TEX10: variants seen among roughly 807,000 people sequenced by gnomAD.
TEX10 encodes the protein testis expressed 10, also known as testis-expressed protein 10.
Under a neutral mutation model 104.4 loss-of-function variants are expected in TEX10, and 24 were observed. That is an observed-to-expected ratio of 0.23 (90% CI 0.17 to 0.32). The LOEUF is 0.32. Ranked by LOEUF, TEX10 falls within the 10% of genes least tolerant of loss-of-function variation. The pLI is 1.00. For missense variants in TEX10, 921 were observed against 1,083.9 expected (o/e 0.85, Z 2.11); for synonymous variants, 396 against 393.4 (o/e 1.01, Z -0.08).
chr9:100,334,945 G>A (rs1039177847), intron 5 of TEX10, among the ~76,000 whole-genome samples: 6 of 152,138 alleles, frequency 3.9e-5, no homozygotes, highest in Non-Finnish European at 8.8e-5. Context: ...GATTACAGGC[G>A]TGAGCCACCG....
At chr9:100,339,276 TATATATATATATATAC>T (rs1208363735) in intron 5 of TEX10, among the ~76,000 whole-genome samples, 37 of 72,972 alleles carry the variant, frequency 5.1e-4, no homozygotes, top group South Asian at 1.1e-3. Context: ...AAAAAAAAAG[TATATATATATATATAC>T]ATATATATAT....
intron 12 of TEX10, among the ~76,000 whole-genome samples, chr9:100,309,723 A>G: frequency 6.6e-6 from 1 of 152,262 alleles, no homozygotes; most frequent in East Asian, 1.9e-4. Context: ...CCTGCTTTGT[A>G]CTATAACACA....
chr9:100,315,943 T>A (rs1411444653), intron 11 of TEX10, among the ~76,000 whole-genome samples: 1 of 152,244 alleles, frequency 6.6e-6, no homozygotes, highest in East Asian at 1.9e-4. Context: ...GACGTCTAAA[T>A]CTCCTGGTAG....
chr9:100,332,907 G>T (rs1387930236), intron 5 of TEX10, among the ~76,000 whole-genome samples: 1 of 152,044 alleles, frequency 6.6e-6, no homozygotes, highest in Non-Finnish European at 1.5e-5. Context: ...CAGTTCCAAA[G>T]AAAAAAGCTG....
At chr9:100,302,896 C>A (rs1564199500) in intron 14 of TEX10, among the ~76,000 whole-genome samples, 1 of 151,716 alleles carries the variant, frequency 6.6e-6, no homozygotes, top group East Asian at 1.9e-4. Flanking sequence ...GGATAATCTG[C>A]CAATCAAACT....
chr9:100,327,941 G>A lies in TEX10; in HGVS notation c.1647C>T (p.Ser549=). 2 of 1,584,884 alleles carry A rather than the reference G, an allele frequency of 1.3e-6. No homozygotes were observed. Among genetic ancestry groups the A allele is most frequent in the Non-Finnish European group, 1.7e-6 (2 of 1,161,218 alleles). ...CRFRYRSKVL[S]RWLAGLPLQL... ...GCAATGGTAAGCCAGCCAGCCAACG[G>A]GATAACACTTTACTACGATATCTTA... is the stretch of plus-strand genomic sequence containing the variant. The change falls in exon 8 of 15, where the codon TCC becomes TCT. Residue 549 remains serine, a synonymous_variant. Transcript: ENST00000374902.
At chr9:100,345,868 AATAT>A (rs66971967) in intron 4 of TEX10, among the ~76,000 whole-genome samples, 200 bp downstream of exon 4, 13 of 150,020 alleles carry the variant, frequency 8.7e-5, no homozygotes, top group African/African-American at 7.3e-5. Context: ...ATTTCACTTA[AATAT>A]ATATATATAT....
intron 11 of TEX10, among the ~76,000 whole-genome samples, chr9:100,313,584 C>T (rs543870483): frequency 2.0e-5 from 3 of 151,222 alleles, no homozygotes; most frequent in African/African-American, 7.3e-5. Flanking sequence ...CACAGTGGGT[C>T]ACACCTGTAA....
intron 11 of TEX10, among the ~76,000 whole-genome samples, chr9:100,316,873 G>A (rs1190087641): frequency 4.5e-5 from 5 of 112,286 alleles, no homozygotes; most frequent in African/African-American, 1.1e-4. Context: ...AAATCAAGAA[G>A]GCAATCCCAC....
intron 8 of TEX10, among the ~76,000 whole-genome samples, chr9:100,327,459 CTA>C (rs1419783333): frequency 6.6e-6 from 1 of 150,970 alleles, no homozygotes; most frequent in Non-Finnish European, 1.5e-5. Flanking sequence ...GAGATATTCA[CTA>C]TGATTAAATA....
intron 13 of TEX10, 52 bp from the exon 14 acceptor site, chr9:100,303,894 GC>G (rs1187818990): frequency 1.3e-6 from 2 of 1,565,344 alleles, no homozygotes; most frequent in Non-Finnish European, 8.8e-7. Flanking sequence ...CACAGGAAAA[GC>G]CCCCCTTCTA....
At chr9:100,346,651 C>T in intron 3 of TEX10, 43 bp downstream of exon 3, 5 of 1,546,072 alleles carry the variant, frequency 3.2e-6, no homozygotes, top group Non-Finnish European at 3.5e-6. Context: ...AGTTATAATT[C>T]AATACAGCAA....
chr9:100,314,813 G>A (rs1834374773), intron 11 of TEX10, among the ~76,000 whole-genome samples: 1 of 152,114 alleles, frequency 6.6e-6, no homozygotes, highest in African/African-American at 2.4e-5. Context: ...TTAGGTTGCT[G>A]ATTAGTTATC....
intron 5 of TEX10, among the ~76,000 whole-genome samples, chr9:100,337,455 G>A (rs533004434): frequency 5.9e-5 from 9 of 152,208 alleles, no homozygotes; most frequent in South Asian, 2.1e-4. Flanking sequence ...TCAATACTTT[G>A]AGAGTTCATG....
rs938452643 is a variant in TEX10 at position 100,352,905 on chromosome 9, C to G, written c.-143G>C. On this transcript the variant is annotated 5_prime_UTR_variant, in exon 1 of 15. Coordinates refer to ENST00000374902, the MANE Select transcript of TEX10 (RefSeq NM_017746.4). The stretch of plus-strand genomic sequence containing the variant: ...GCGTGTTTTCAAATAGCCTCGTCCT[C>G]ACGCGGCCGCGTCTCCTTCCGCCGC... The G allele has an allele frequency of 2.0e-6, 2 of 990,944 alleles. No individual in the cohort carries two copies. Among genetic ancestry groups the G allele is most frequent in the Admixed American group, 6.1e-5 (1 of 16,304 alleles). 61.4% of individuals were successfully genotyped at this position (990,944 alleles called of 1,614,324 possible). A position where few individuals can be genotyped will look rare whatever the true frequency, so the allele number is the denominator to read the frequency against.
chr9:100,306,973 T>A (rs1405552807), intron 13 of TEX10: 1 of 152,194 alleles, frequency 6.6e-6, no homozygotes, highest in Non-Finnish European at 1.5e-5. Context: ...TAAGTGGGGA[T>A]CTTATAAAAT....
At chr9:100,351,640 A>T (rs1835453046) in intron 1 of TEX10, among the ~76,000 whole-genome samples, 1 of 152,140 alleles carries the variant, frequency 6.6e-6, no homozygotes, top group Non-Finnish European at 1.5e-5. Context: ...CACCTGATAG[A>T]TCTTCAACAG....
intron 9 of TEX10, among the ~76,000 whole-genome samples, chr9:100,322,561 C>T (rs1834595326): frequency 6.6e-6 from 1 of 152,022 alleles, no homozygotes; most frequent in Non-Finnish European, 1.5e-5. Context: ...TTCTAATTCA[C>T]CTATAAGTAC....
intron 14 of TEX10, among the ~76,000 whole-genome samples, chr9:100,302,843 T>C (rs1588159593): frequency 1.3e-5 from 2 of 152,144 alleles, no homozygotes; most frequent in Admixed American, 6.5e-5. Flanking sequence ...GTTATATGCA[T>C]GTAAAAGCAC....
Sources: gnomAD v4.1 joint callset for allele counts (sites outside exome capture counted in the v4.1 genomes callset) on GRCh38, gnomAD v4.1.1 for gene constraint, MANE v1.5 for transcripts, NCBI Gene and HGNC (gene_info 2026-07-23, HGNC 2026-07-21) for gene names.